The following PACRG variants were observed in gnomAD, a reference collection of about 807,000 sequenced individuals.
The protein encoded by PACRG is parkin coregulated gene protein.
PACRG carries 29 observed loss-of-function variants against 29.7 expected under a neutral mutation model. That is an observed-to-expected ratio of 0.98 (90% CI 0.73 to 1.33). PACRG has a LOEUF of 1.33. Among genes scored for constraint, PACRG ranks in the 40% most tolerant of loss-of-function variants. The pLI, the probability that PACRG is intolerant of heterozygous loss-of-function variation, is 0.00. For missense variants in PACRG, 279 were observed against 316.2 expected (o/e 0.88, Z 0.89); for synonymous variants, 116 against 118.7 (o/e 0.98, Z 0.15).
At chr6:163,303,771 G>A (rs1785091620) in intron 4 of PACRG, among the ~76,000 whole-genome samples, 2 of 151,928 alleles carry the variant, frequency 1.3e-5, no homozygotes, top group South Asian at 2.1e-4. Context: ...CACTTTGGGG[G>A]GCTGAGACGG....
At chr6:163,113,791 G>A (rs910524825) in intron 4 of PACRG, among the ~76,000 whole-genome samples, 14 of 151,798 alleles carry the variant, frequency 9.2e-5, no homozygotes, top group African/African-American at 3.4e-4. Context: ...CTAGAAATTA[G>A]CTTGAAGCCA....
At chr6:162,891,174 G>C (rs1794727462) in intron 2 of PACRG, among the ~76,000 whole-genome samples, 1 of 152,146 alleles carries the variant, frequency 6.6e-6, no homozygotes, top group African/African-American at 2.4e-5. Context: ...CACCCAGTCT[G>C]ACCCCAGCAG....
chr6:163,084,851 C>CAT (rs1813400914), intron 3 of PACRG, among the ~76,000 whole-genome samples: 1 of 138,698 alleles, frequency 7.2e-6, no homozygotes, highest in African/African-American at 2.8e-5. Flanking sequence ...CATATGTGTG[C>CAT]ATATATATAA....
intron 2 of PACRG, chr6:163,051,999 A>G (rs1016659420): frequency 1.1e-4 from 16 of 152,192 alleles, no homozygotes; most frequent in African/African-American, 2.4e-4. Flanking sequence ...CTCATGTGCT[A>G]TATTACATGA....
intron 4 of PACRG, among the ~76,000 whole-genome samples, chr6:163,277,516 C>CAT (rs1169490538): frequency 7.4e-6 from 1 of 135,654 alleles, no homozygotes; most frequent in Non-Finnish European, 1.6e-5. Flanking sequence ...CACACACACA[C>CAT]ATATACACAT....
chr6:163,024,065 T>C (rs909293351), intron 2 of PACRG, among the ~76,000 whole-genome samples: 10 of 152,240 alleles, frequency 6.6e-5, no homozygotes, highest in African/African-American at 2.2e-4. Flanking sequence ...AAAATCTCTT[T>C]AGTTTAATTA....
intron 1 of PACRG, among the ~76,000 whole-genome samples, chr6:162,805,200 T>C (rs1483349916): frequency 6.6e-6 from 1 of 152,194 alleles, no homozygotes; most frequent in African/African-American, 2.4e-5. Flanking sequence ...CTTGGAGATA[T>C]CACAGATTCA....
At chr6:162,844,297 A>G (rs528692174) in intron 2 of PACRG, among the ~76,000 whole-genome samples, 281 of 142,168 alleles carry the variant, frequency 2.0e-3, no homozygotes, top group African/African-American at 6.7e-3. Flanking sequence ...ATATAATCTC[A>G]TGGTGCGCCG....
At chr6:163,231,354 A>C (rs994963008) in intron 4 of PACRG, among the ~76,000 whole-genome samples, 1 of 152,212 alleles carries the variant, frequency 6.6e-6, no homozygotes, top group Admixed American at 6.5e-5. Flanking sequence ...TGTTAATCAC[A>C]TCCTGCTCGA....
intron 1 of PACRG, among the ~76,000 whole-genome samples, chr6:162,739,560 T>C (rs1166745547): frequency 6.6e-6 from 1 of 152,074 alleles, no homozygotes; most frequent in Non-Finnish European, 1.5e-5. Flanking sequence ...AAAATTTTTG[T>C]CGGCCAGGCG....
At chr6:163,231,911 G>A (rs911528521) in intron 4 of PACRG, among the ~76,000 whole-genome samples, 2 of 152,222 alleles carry the variant, frequency 1.3e-5, no homozygotes, top group East Asian at 1.9e-4. Flanking sequence ...AACAAGTCCC[G>A]GCTTCACTCT....
Position 163,108,750 on chromosome 6 carries a change from C to G in PACRG, c.613+19342C>G, listed in dbSNP as rs1023595644. ...AGTTCTTCATATTAAGTTGTTGCGC[C>G]AACCTATAGCAATGTGAGAACAGAC... On this transcript the variant is annotated intron_variant, in intron 4 of 4. Coordinates refer to ENST00000366888, the MANE Select transcript of PACRG (RefSeq NM_001080379.2). Among the ~76,000 whole-genome samples, 8 of 152,246 alleles carry G rather than the reference C, an allele frequency of 5.3e-5. No individual in the cohort carries two copies. The South Asian group carries it at 6.2e-4, about 12-fold the overall frequency.
At chr6:163,121,392 C>T (rs1307825831) in intron 4 of PACRG, among the ~76,000 whole-genome samples, 2 of 152,146 alleles carry the variant, frequency 1.3e-5, no homozygotes, top group East Asian at 1.9e-4. Context: ...TAGTCTGTCA[C>T]TTCTATTCGA....
chr6:163,266,809 G>A (rs1243201292), intron 4 of PACRG, among the ~76,000 whole-genome samples: 1 of 152,150 alleles, frequency 6.6e-6, no homozygotes, highest in African/African-American at 2.4e-5. Context: ...TATCCCAGCC[G>A]TCAAATGTCA....
chr6:163,082,134 G>T (rs1813142351), intron 3 of PACRG, among the ~76,000 whole-genome samples: 1 of 152,098 alleles, frequency 6.6e-6, no homozygotes, highest in Non-Finnish European at 1.5e-5. Flanking sequence ...AGAATATTGG[G>T]ATTAAATAAT....
chr6:163,150,312 T>C lies in PACRG; in HGVS notation c.613+60904T>C, dbSNP rs545509034. 1.8e-4 allele frequency among the ~76,000 whole-genome samples: 27 copies of C among 152,196 alleles called. 2 individuals carry two copies. In the South Asian group the frequency reaches 5.4e-3, roughly 30 times the overall value. On this transcript the variant is annotated intron_variant, in intron 4 of 4. Transcript: ENST00000366888. ...CATCCCGGAGCTAAACAAGGCTAGG[T>C]AGGAGTTAGTGCTGTCCCACTTGTC...
At position 163,132,684 on chromosome 6, in the gene PACRG, G is replaced by A. The variant is rs530897105; in HGVS notation, c.613+43276G>A. Among the ~76,000 whole-genome samples, 9 of 152,254 alleles carry A rather than the reference G, an allele frequency of 5.9e-5. No individual in the cohort carries two copies. In the South Asian group the frequency reaches 1.9e-3, roughly 32 times the overall value. On this transcript the variant is annotated intron_variant, in intron 4 of 4. Coordinates refer to ENST00000366888, the MANE Select transcript of PACRG (RefSeq NM_001080379.2). ...CCACTTCTGTACCTCCTCAGTAGGA[G>A]CTATACTCAACTCATGAATTAATTT... is the stretch of plus-strand genomic sequence containing the variant.
chr6:163,183,082 A>C (rs539795963), intron 4 of PACRG: 1 of 152,362 alleles, frequency 6.6e-6, no homozygotes, highest in East Asian at 1.9e-4. Context: ...TTGAAGAGTG[A>C]ATGAATGAGG....
intron 4 of PACRG, among the ~76,000 whole-genome samples, chr6:163,284,713 C>T (rs1784336152): frequency 6.6e-6 from 1 of 152,114 alleles, no homozygotes; most frequent in South Asian, 2.1e-4. Context: ...CGCTCCCCGC[C>T]TCCCTTCTGA....
Sources: allele counts gnomAD v4.1 joint callset (sites outside exome capture counted in the v4.1 genomes callset), GRCh38; gene constraint gnomAD v4.1.1; transcripts MANE v1.5; gene names NCBI Gene and HGNC (gene_info 2026-07-23, HGNC 2026-07-21).